Variants in PIWIL1 observed in about 807,000 individuals in gnomAD.
PIWIL1 encodes piwi-like protein 1.
PIWIL1 carries 73 observed loss-of-function variants against 114.4 expected under a neutral mutation model. That is an observed-to-expected ratio of 0.64 (90% CI 0.53 to 0.78). PIWIL1 has a LOEUF of 0.78. Among genes scored for constraint, PIWIL1 ranks in the 30% least tolerant of loss-of-function variants. The probability of loss-of-function intolerance (pLI) is 0.00; values close to 1 mark genes in which losing one functional copy is unlikely to be tolerated. For missense variants in PIWIL1, 723 were observed against 1,063.1 expected (o/e 0.68, Z 4.45); for synonymous variants, 375 against 369.0 (o/e 1.02, Z -0.19).
the PIWIL1 span, chr12:130,396,862 C>CAA: frequency 6.6e-6 from 1 of 152,586 alleles, no homozygotes; most frequent in Non-Finnish European, 1.5e-5. Flanking sequence ...ACGACACATA[C>CAA]AAAGTATACA....
At chr12:130,413,978 A>C in the PIWIL1 span, 17 of 859,500 alleles carry the variant, frequency 2.0e-5, no homozygotes, top group African/African-American at 3.4e-5. Flanking sequence ...TTGCCGTCAC[A>C]GCACCATGCC....
At chr12:130,373,918 C>G (rs1169209587), downstream of PIWIL1, among the ~76,000 whole-genome samples, 1 of 152,160 alleles carries the variant, frequency 6.6e-6, no homozygotes, top group Non-Finnish European at 1.5e-5. Flanking sequence ...TTTCTCCTTT[C>G]ACGTGGGATG....
chr12:130,400,176 A>G, the PIWIL1 span, among the ~76,000 whole-genome samples: 1 of 152,036 alleles, frequency 6.6e-6, no homozygotes, highest in African/African-American at 2.4e-5. Flanking sequence ...AGCTGCTAAA[A>G]ACACATCGCT....
At chr12:130,342,504 TTAAAG>T (rs1199027585) in intron 1 of PIWIL1, 71 bp from the exon 2 acceptor site, 2 of 858,684 alleles carry the variant, frequency 2.3e-6, no homozygotes, top group African/African-American at 1.7e-5. Flanking sequence ...TCAAAGAAGT[TTAAAG>T]TAACATTGTA....
chr12:130,402,087 G>A, the PIWIL1 span, among the ~76,000 whole-genome samples: 11 of 152,174 alleles, frequency 7.2e-5, no homozygotes, highest in Non-Finnish European at 1.6e-4. Context: ...TAAAATCCAC[G>A]TCAGAACGCA....
Position 130,362,973 on chromosome 12 carries a change from T to G in PIWIL1, c.2042-18T>G. The G allele has an allele frequency of 1.2e-6, 2 of 1,612,718 alleles. No homozygotes were observed. The highest frequency in any genetic ancestry group is 1.7e-6 in the Non-Finnish European group (2 of 1,178,880). ...TCGTAGGCATGAATTGACATAAAAC[T>G]TCTCTGGCCTGTTTCAGCGGCTCTG... is the stretch of plus-strand genomic sequence containing the variant. On this transcript the variant is annotated intron_variant, in intron 17 of 20. Transcript: ENST00000245255.
the PIWIL1 span, among the ~76,000 whole-genome samples, chr12:130,418,410 G>C: frequency 1.3e-5 from 2 of 152,224 alleles, no homozygotes; most frequent in Non-Finnish European, 2.9e-5. Flanking sequence ...AGGCACAGCT[G>C]TGCAGCCCCT....
chr12:130,401,276 C>T, the PIWIL1 span, among the ~76,000 whole-genome samples: 4 of 152,058 alleles, frequency 2.6e-5, no homozygotes, highest in Admixed American at 6.5e-5. Context: ...CCACCATGCC[C>T]GGCTAATTTT....
the PIWIL1 span, chr12:130,422,331 A>C: frequency 1.7e-6 from 1 of 601,012 alleles, no homozygotes; most frequent in African/African-American, 1.8e-5. The surrounding 1 kb of genome is among the most constrained non-coding windows in gnomAD (Gnocchi z 5.2). Context: ...TTTTGCCATG[A>C]ATAACAGTGT....
the PIWIL1 span, among the ~76,000 whole-genome samples, chr12:130,403,219 C>T: frequency 1.3e-5 from 2 of 152,178 alleles, no homozygotes; most frequent in East Asian, 1.9e-4. Flanking sequence ...CATTGTTTAT[C>T]AAATAAGAAA....
intron 1 of PIWIL1, 63 bp from the exon 2 acceptor site, chr12:130,342,517 G>A (rs2072950068): frequency 1.1e-6 from 1 of 951,442 alleles, no homozygotes; most frequent in East Asian, 2.5e-5. Context: ...AAGTAACATT[G>A]TAGAAATTAT....
chr12:130,372,890 T>G (rs1448039449), downstream of PIWIL1, among the ~76,000 whole-genome samples: 1 of 152,182 alleles, frequency 6.6e-6, no homozygotes, highest in Non-Finnish European at 1.5e-5. Flanking sequence ...GGAACACCTT[T>G]AAACATTGCT....
chr12:130,376,640 C>A (rs2073868743), downstream of PIWIL1, among the ~76,000 whole-genome samples: 1 of 152,234 alleles, frequency 6.6e-6, no homozygotes, highest in Admixed American at 6.5e-5. Flanking sequence ...CTGGAGTCAT[C>A]TCTTACATCA....
chr12:130,400,972 G>A, the PIWIL1 span, among the ~76,000 whole-genome samples: 25,213 of 152,170 alleles, frequency 0.17, 2,613 homozygotes, highest in East Asian at 0.44. Flanking sequence ...CTTTTGGTGG[G>A]AAGGTGAGAT....
chr12:130,345,995 T>C, intron 4 of PIWIL1, 117 bp downstream of exon 4: 1 of 1,054,010 alleles, frequency 9.5e-7, no homozygotes, highest in East Asian at 2.6e-5. Context: ...CTTTTCGATT[T>C]TCCTCACTTT....
intron 18 of PIWIL1, among the ~76,000 whole-genome samples, chr12:130,365,979 C>T (rs930308404): frequency 1.3e-5 from 2 of 152,208 alleles, no homozygotes; most frequent in Non-Finnish European, 2.9e-5. Flanking sequence ...ATGTCCTCTG[C>T]TTACTCAAGT....
the PIWIL1 span, among the ~76,000 whole-genome samples, chr12:130,380,482 G>A: frequency 6.6e-6 from 1 of 152,260 alleles, no homozygotes; most frequent in African/African-American, 2.4e-5. Flanking sequence ...CCACTAAGGT[G>A]TCGGGGTGGA....
intron 4 of PIWIL1, 35 bp downstream of exon 4, chr12:130,345,913 A>G (rs772611038): frequency 6.2e-7 from 1 of 1,609,916 alleles, no homozygotes; most frequent in Non-Finnish European, 8.5e-7. Context: ...GTGAGATTAC[A>G]TCTCAGGAAC....
the PIWIL1 span, chr12:130,398,045 A>G: frequency 6.8e-6 from 1 of 148,054 alleles, no homozygotes; most frequent in African/African-American, 2.5e-5. Flanking sequence ...TGGTTGAAAG[A>G]AAAAAAAAAA....
Sources: gnomAD v4.1 joint callset for allele counts (sites outside exome capture counted in the v4.1 genomes callset) on GRCh38, gnomAD v4.1.1 for gene constraint, Gnocchi (gnomAD v3.1) non-coding constraint, MANE v1.5 for transcripts, NCBI Gene and HGNC (gene_info 2026-07-23, HGNC 2026-07-21) for gene names.